The following GREB1L variants were observed in gnomAD, a reference collection of about 807,000 sequenced individuals.
GREB1L encodes GREB1 like retinoic acid receptor coactivator, also known as GREB1-like protein.
In GREB1L, 17 loss-of-function variants were observed where a neutral mutation model predicts 200.8. The observed-to-expected ratio is 0.08, with a 90% CI of 0.06 to 0.13. GREB1L has a LOEUF of 0.13. Ranked by LOEUF, GREB1L falls within the 10% of genes least tolerant of loss-of-function variation. The pLI, the probability that GREB1L is intolerant of heterozygous loss-of-function variation, is 1.00. For synonymous variants in GREB1L, 789 were observed against 893.0 expected (o/e 0.88, Z 2.08); for missense variants, 1,657 against 2,367.7 (o/e 0.70, Z 6.23).
At chr18:21,506,509 A>G (rs1399345288) in intron 25 of GREB1L, among the ~76,000 whole-genome samples, 3 of 152,198 alleles carry the variant, frequency 2.0e-5, no homozygotes, top group South Asian at 2.1e-4. Context: ...ACTTCTTCAA[A>G]TGGTTACACG....
chr18:21,516,826 T>A, intron 30 of GREB1L, 72 bp downstream of exon 30: 4 of 1,382,978 alleles, frequency 2.9e-6, no homozygotes, highest in Non-Finnish European at 3.9e-6. Context: ...TTATTAGATG[T>A]TGGCATTAAG....
chr18:21,291,766 T>C (rs557367069), intron 1 of GREB1L, among the ~76,000 whole-genome samples: 1 of 152,164 alleles, frequency 6.6e-6, no homozygotes, highest in East Asian at 1.9e-4. Context: ...TAAAGAGAAA[T>C]GGAGGCTGGG....
chr18:21,449,467 C>T (rs2034409827), intron 11 of GREB1L, 43 bp from the exon 12 acceptor site: 1 of 1,221,070 alleles, frequency 8.2e-7, no homozygotes, highest in African/African-American at 1.5e-5. Flanking sequence ...GTCTCTCCTC[C>T]CTGTGATTCT....
At chr18:21,488,071 G>A (rs1598915713) in intron 18 of GREB1L, among the ~76,000 whole-genome samples, 1 of 150,618 alleles carries the variant, frequency 6.6e-6, no homozygotes, top group African/African-American at 2.4e-5. Context: ...TTGGGAGGCT[G>A]AGGTGGGCGG....
chr18:21,405,917 A>G (rs1228485064), intron 7 of GREB1L, among the ~76,000 whole-genome samples: 1 of 152,114 alleles, frequency 6.6e-6, no homozygotes, highest in Non-Finnish European at 1.5e-5. Flanking sequence ...GGATCCCTTG[A>G]GCTCAGGAGT....
intron 16 of GREB1L, among the ~76,000 whole-genome samples, chr18:21,473,849 A>C (rs144251995): frequency 2.0e-4 from 31 of 152,314 alleles, no homozygotes; most frequent in African/African-American, 7.5e-4. Context: ...CAATCATGGC[A>C]TAAGGCAGGG....
At chr18:21,331,896 G>T (rs1415657220) in intron 1 of GREB1L, among the ~76,000 whole-genome samples, 1 of 152,130 alleles carries the variant, frequency 6.6e-6, no homozygotes, top group Admixed American at 6.5e-5. Context: ...TAATTTAGTT[G>T]TAAATAGTGA....
intron 19 of GREB1L, 98 bp from the exon 20 acceptor site, chr18:21,495,572 A>G (rs2036513795): frequency 1.4e-6 from 1 of 693,918 alleles, no homozygotes; most frequent in Admixed American, 2.8e-5. Context: ...GAGTAATTTG[A>G]AAGCACAGTG....
intron 1 of GREB1L, among the ~76,000 whole-genome samples, chr18:21,302,857 G>T (rs186862373): frequency 1.3e-5 from 2 of 152,136 alleles, no homozygotes; most frequent in Non-Finnish European, 2.9e-5. Context: ...GAGTAGCTGG[G>T]ACTACAGTCA....
chr18:21,365,892 A>T (rs1308461608), intron 1 of GREB1L, 135 bp from the exon 2 acceptor site: 1 of 152,108 alleles, frequency 6.6e-6, no homozygotes, highest in African/African-American at 2.4e-5. Flanking sequence ...GGAGTTGGAA[A>T]GTGTGAGACT....
intron 1 of GREB1L, among the ~76,000 whole-genome samples, chr18:21,266,097 C>T (rs1284694036): frequency 1.3e-5 from 2 of 152,216 alleles, no homozygotes; most frequent in African/African-American, 4.8e-5. Context: ...TTTCTCATCT[C>T]TACCTATTAA....
At chr18:21,327,513 C>T (rs2039040513) in intron 1 of GREB1L, among the ~76,000 whole-genome samples, 1 of 152,106 alleles carries the variant, frequency 6.6e-6, no homozygotes, top group African/African-American at 2.4e-5. Context: ...TGGACTGTTC[C>T]TCTTCCTGTT....
chr18:21,408,522 C>T (rs1362960727), intron 7 of GREB1L, among the ~76,000 whole-genome samples: 4 of 152,010 alleles, frequency 2.6e-5, no homozygotes, highest in Non-Finnish European at 5.9e-5. Context: ...GAGCCAGGTG[C>T]GGTGGCTCAC....
rs549106508 is a variant in GREB1L, at chr18:21,257,804, A to G, written c.-120+15411A>G. ...GTTTATTGATTTAATTAATAGCAGA[A>G]ATTAATAATTTAATTCAACAATATT... On this transcript the variant is annotated intron_variant, in intron 1 of 32. Transcript: ENST00000424526. 3.9e-5 allele frequency among the ~76,000 whole-genome samples: 6 copies of G among 152,360 alleles called. No homozygotes were observed. The South Asian group carries it at 1.0e-3, about 26-fold the overall frequency.
chr18:21,345,389 G>A (rs11660409), intron 1 of GREB1L, among the ~76,000 whole-genome samples: 2,933 of 152,218 alleles, frequency 0.019, 44 homozygotes, highest in Non-Finnish European at 0.031. Flanking sequence ...AATCCTTGTC[G>A]TGGTCTTTAA....
chr18:21,310,742 C>G (rs73962943), intron 1 of GREB1L, among the ~76,000 whole-genome samples: 1,731 of 152,288 alleles, frequency 0.011, 38 homozygotes, highest in African/African-American at 0.039. Flanking sequence ...TATTCTATTA[C>G]TAAGAGTTTG....
At chr18:21,382,091 TCCCAGCACTTTGGGAAG>T (rs1277020155) in intron 2 of GREB1L, among the ~76,000 whole-genome samples, 1 of 152,150 alleles carries the variant, frequency 6.6e-6, no homozygotes, top group Non-Finnish European at 1.5e-5. Context: ...ATGCCTATAA[TCCCAGCACTTTGGGAAG>T]CCCAGGCAGG....
chr18:21,506,435 G>A (rs1486847653), intron 25 of GREB1L, among the ~76,000 whole-genome samples: 4 of 151,984 alleles, frequency 2.6e-5, no homozygotes, highest in Admixed American at 1.3e-4. Flanking sequence ...ATAATTAAAT[G>A]AATGTTGGGT....
intron 1 of GREB1L, among the ~76,000 whole-genome samples, chr18:21,301,125 C>T (rs2144690125): frequency 6.6e-6 from 1 of 152,298 alleles, no homozygotes; most frequent in Middle Eastern, 3.4e-3. Context: ...GTAAATATTC[C>T]TGCATGTTGT....
Sources: allele counts gnomAD v4.1 joint callset (sites outside exome capture counted in the v4.1 genomes callset), GRCh38; gene constraint gnomAD v4.1.1; transcripts MANE v1.5; gene names NCBI Gene and HGNC (gene_info 2026-07-23, HGNC 2026-07-21).